CAPZA1: variants seen among roughly 807,000 people sequenced by gnomAD.
CAPZA1 encodes F-actin-capping protein subunit alpha-1.
In CAPZA1, 10 loss-of-function variants were observed where a neutral mutation model predicts 40.8. That is an observed-to-expected ratio of 0.25 (90% CI 0.15 to 0.42). The LOEUF is 0.42. Among genes scored for constraint, CAPZA1 ranks in the 10% least tolerant of loss-of-function variants. The pLI, the probability that CAPZA1 is intolerant of heterozygous loss-of-function variation, is 1.00. For missense variants in CAPZA1, 277 were observed against 353.8 expected, an observed-to-expected ratio of 0.78 and a Z score of 1.74; for synonymous variants, 98 against 115.0, an observed-to-expected ratio of 0.85 and a Z score of 0.95.
chr1:112,659,920 T>C, intron 7 of CAPZA1, 141 bp downstream of exon 7: 1 of 647,870 alleles, frequency 1.5e-6, no homozygotes. Context: ...AGCCTCCTTC[T>C]TGGGGTGGTA....
At chr1:112,667,178 C>T (rs200774336) in intron 8 of CAPZA1, 33 bp downstream of exon 8, 167 of 1,443,678 alleles carry the variant, frequency 1.2e-4, no homozygotes, top group Middle Eastern at 2.1e-4. Context: ...CTGTCTTACT[C>T]ATGTCTCGTT....
chr1:112,630,909 G>T (rs1368067119), intron 1 of CAPZA1, among the ~76,000 whole-genome samples: 1 of 152,196 alleles, frequency 6.6e-6, no homozygotes, highest in African/African-American at 2.4e-5. Flanking sequence ...TTCGTCTTAT[G>T]TTGTTTGTAT....
At chr1:112,630,299 C>T (rs1354734330) in intron 1 of CAPZA1, among the ~76,000 whole-genome samples, 3 of 151,784 alleles carry the variant, frequency 2.0e-5, no homozygotes, top group Admixed American at 1.3e-4. Context: ...ACTTGGCACT[C>T]GGCCCTGGCA....
In CAPZA1 at chr1:112,670,174, T is replaced by A; in HGVS notation, c.*42T>A. On this transcript the variant is annotated 3_prime_UTR_variant, in exon 10 of 10. Transcript: ENST00000263168. ...TCTTCAGTATGTGGAAAGACAAGGA[T>A]TCAACGTGTGGTCATATGATAAATA... The A allele has an allele frequency of 2.5e-6, 4 of 1,607,672 alleles. No homozygotes were observed. The highest frequency in any genetic ancestry group is 3.4e-6 in the Non-Finnish European group (4 of 1,174,726).
At chr1:112,635,659 C>T (rs1341722410) in intron 1 of CAPZA1, among the ~76,000 whole-genome samples, 1 of 151,208 alleles carries the variant, frequency 6.6e-6, no homozygotes, top group Non-Finnish European at 1.5e-5. Flanking sequence ...TGGTCTTGAA[C>T]TCCTGACCTG....
intron 7 of CAPZA1, among the ~76,000 whole-genome samples, chr1:112,663,705 A>G (rs1294364598): frequency 6.6e-6 from 1 of 151,594 alleles, no homozygotes; most frequent in East Asian, 2.0e-4. Context: ...GGGTTTCACC[A>G]TGTTGGTCAG....
chr1:112,637,355 G>A (rs980066498), intron 1 of CAPZA1, among the ~76,000 whole-genome samples: 1 of 152,252 alleles, frequency 6.6e-6, no homozygotes, highest in African/African-American at 2.4e-5. Context: ...ATACTGCAGT[G>A]AACAAACATA....
chr1:112,625,881 A>G (rs1670795933), intron 1 of CAPZA1: 2 of 152,266 alleles, frequency 1.3e-5, no homozygotes, highest in African/African-American at 4.8e-5. Context: ...TGGCACTGTC[A>G]TTGTCCAGTA....
intron 1 of CAPZA1, among the ~76,000 whole-genome samples, chr1:112,629,727 A>G (rs1348437198): frequency 1.3e-5 from 2 of 152,204 alleles, no homozygotes; most frequent in East Asian, 1.9e-4. Context: ...CAGATTTGGT[A>G]TTACCATCAT....
intron 5 of CAPZA1, among the ~76,000 whole-genome samples, chr1:112,658,819 C>T (rs1671545878): frequency 1.3e-5 from 2 of 151,982 alleles, no homozygotes; most frequent in South Asian, 4.1e-4. Context: ...GTATTTCCCT[C>T]TGTTTTCATT....
At chr1:112,655,166 T>C (rs1671471735) in intron 5 of CAPZA1, among the ~76,000 whole-genome samples, 1 of 152,168 alleles carries the variant, frequency 6.6e-6, no homozygotes, top group Non-Finnish European at 1.5e-5. Flanking sequence ...ATGTTTATAT[T>C]CAGTAATCAA....
rs115408499 is a variant in CAPZA1 at position 112,635,717 on chromosome 1, C to T, written c.40-11493C>T. Among the ~76,000 whole-genome samples, 1,270 of 152,164 alleles carry T rather than the reference C, an allele frequency of 8.3e-3. 19 individuals are homozygous for T. Among genetic ancestry groups the T allele is most frequent in the African/African-American group, 0.029 (1,197 of 41,520 alleles). ...GATTATAGGTGTGAGCCACCGTGCC[C>T]GGCCCAAGGAAATAATTTTAAAAGC... On this transcript the variant is annotated intron_variant, in intron 1 of 9. Transcript: ENST00000263168.
chr1:112,625,366 T>C (rs1670785690), intron 1 of CAPZA1, among the ~76,000 whole-genome samples: 1 of 152,178 alleles, frequency 6.6e-6, no homozygotes, highest in Non-Finnish European at 1.5e-5. Context: ...CTAGAAGTAC[T>C]CTCCTTTAGC....
At chr1:112,659,803 AC>A (rs1411921805) in intron 7 of CAPZA1, 24 bp downstream of exon 7, 1 of 1,562,596 alleles carries the variant, frequency 6.4e-7, no homozygotes, top group Non-Finnish European at 8.8e-7. Context: ...ATGTTTATAG[AC>A]TTAAAACTTC....
At chr1:112,656,213 C>T (rs2101176131) in intron 5 of CAPZA1, among the ~76,000 whole-genome samples, 1 of 152,260 alleles carries the variant, frequency 6.6e-6, no homozygotes, top group African/African-American at 2.4e-5. Flanking sequence ...GGTTTGATTC[C>T]TGGCCCTGCC....
chr1:112,659,577 T>C, intron 6 of CAPZA1, 124 bp from the exon 7 acceptor site: 1 of 534,576 alleles, frequency 1.9e-6, no homozygotes. Flanking sequence ...TGACAGTTTC[T>C]CTCTCTCTCT....
chr1:112,638,365 A>C (rs1671062689), intron 1 of CAPZA1, among the ~76,000 whole-genome samples: 1 of 152,102 alleles, frequency 6.6e-6, no homozygotes, highest in South Asian at 2.1e-4. Context: ...CCAAGGCTGG[A>C]GTGCAGTGGC....
At position 112,671,576 on chromosome 1, in the gene CAPZA1, A is replaced by G. The variant is rs1266939685; in HGVS notation, c.*1444A>G. 1 of 152,620 alleles carries G rather than the reference A, an allele frequency of 6.6e-6. No homozygotes were observed. The highest frequency in any genetic ancestry group is 1.5e-5 in the Non-Finnish European group (1 of 68,040). The allele number at this position is 152,620 out of a possible 1,614,324, so 9.5% of individuals were successfully genotyped here. On this transcript the variant is annotated 3_prime_UTR_variant, in exon 10 of 10. Transcript: ENST00000263168. ...CCATCCATACCACACTATCTTCTGT[A>G]TCAGGTAGTCTAATAGAAATATACC...
chr1:112,666,982 C>A, intron 7 of CAPZA1, 92 bp from the exon 8 acceptor site: 1 of 844,240 alleles, frequency 1.2e-6, no homozygotes, highest in South Asian at 1.7e-5. Context: ...GGCTCATCAA[C>A]TTAAAGATAG....
Sources: gnomAD v4.1 joint callset for allele counts (sites outside exome capture counted in the v4.1 genomes callset) on GRCh38, gnomAD v4.1.1 for gene constraint, MANE v1.5 for transcripts, NCBI Gene and HGNC (gene_info 2026-07-23, HGNC 2026-07-21) for gene names.